The following MRTFA variants were observed in gnomAD, a reference collection of about 807,000 sequenced individuals.
The protein encoded by MRTFA is myocardin related transcription factor A, also known as myocardin-related transcription factor A.
In MRTFA, 20 loss-of-function variants were observed where a neutral mutation model predicts 83.5. That is an observed-to-expected ratio of 0.24 (90% CI 0.17 to 0.35). MRTFA has a LOEUF of 0.35. MRTFA is among the 10% of genes least tolerant of loss of function. The pLI, the probability that MRTFA is intolerant of heterozygous loss-of-function variation, is 1.00. For synonymous variants in MRTFA, 659 were observed against 541.2 expected (o/e 1.22, Z -3.02); for missense variants, 1,200 against 1,224.7 (o/e 0.98, Z 0.30).
intron 3 of MRTFA, among the ~76,000 whole-genome samples, chr22:40,546,820 C>A (rs2055371511): frequency 6.6e-6 from 1 of 152,192 alleles, no homozygotes; most frequent in Admixed American, 6.5e-5. Context: ...GAGTTCTTAC[C>A]TGTAGTGGAA....
At chr22:40,428,037 C>T (rs1040372230) in intron 7 of MRTFA, among the ~76,000 whole-genome samples, 3 of 152,196 alleles carry the variant, frequency 2.0e-5, no homozygotes, top group East Asian at 1.9e-4. Context: ...CTGTGCCATC[C>T]GTCCCTCCCT....
chr22:40,569,483 G>A (rs1219360716), intron 2 of MRTFA: 1 of 154,640 alleles, frequency 6.5e-6, no homozygotes, highest in Non-Finnish European at 1.5e-5. Flanking sequence ...CAGTACTTTG[G>A]GAGGCCAAAG....
intron 3 of MRTFA, among the ~76,000 whole-genome samples, chr22:40,490,197 C>T (rs148825630): frequency 6.6e-6 from 1 of 152,104 alleles, no homozygotes; most frequent in African/African-American, 2.4e-5. Context: ...ATACTATCCC[C>T]CGCCTCTCAA....
At chr22:40,424,639 C>A (rs569750104) in intron 7 of MRTFA, among the ~76,000 whole-genome samples, 1 of 152,230 alleles carries the variant, frequency 6.6e-6, no homozygotes, top group Non-Finnish European at 1.5e-5. Context: ...CAAACGCCTC[C>A]TTTAGCCTCT....
At chr22:40,460,105 A>C (rs1602279863) in intron 4 of MRTFA, among the ~76,000 whole-genome samples, 1 of 151,674 alleles carries the variant, frequency 6.6e-6, no homozygotes, top group African/African-American at 2.4e-5. Context: ...TTGTATTTTT[A>C]GTAGAGACGG....
At chr22:40,463,334 T>C in intron 3 of MRTFA, 48 bp from the exon 4 acceptor site, 1 of 1,510,368 alleles carries the variant, frequency 6.6e-7, no homozygotes, top group Non-Finnish European at 9.2e-7. Flanking sequence ...AGTTGGGTAT[T>C]CCACCTCAAA....
intron 1 of MRTFA, among the ~76,000 whole-genome samples, chr22:40,596,358 G>A (rs908521650): frequency 1.3e-5 from 2 of 152,206 alleles, no homozygotes; most frequent in Non-Finnish European, 2.9e-5. Context: ...TAAATGAATT[G>A]TGGTTTTTAA....
chr22:40,587,544 C>CA, intron 2 of MRTFA: 1 of 286,848 alleles, frequency 3.5e-6, no homozygotes, highest in Non-Finnish European at 6.9e-6. Context: ...CTCTGACCAC[C>CA]AAAAAAAGTT....
At chr22:40,569,712 AATTAATAC>A (rs1307360023) in intron 2 of MRTFA, 5 of 145,324 alleles carry the variant, frequency 3.4e-5, no homozygotes, top group African/African-American at 5.2e-5. Flanking sequence ...AAGACTCCAT[AATTAATAC>A]ATACATACAT....
At chr22:40,580,552 T>C (rs113172421) in intron 2 of MRTFA, among the ~76,000 whole-genome samples, 1 of 152,154 alleles carries the variant, frequency 6.6e-6, no homozygotes, top group African/African-American at 2.4e-5. Flanking sequence ...AAAAATGAAA[T>C]GATAAACCCA....
At chr22:40,614,481 C>A (rs1180670253) in intron 1 of MRTFA, among the ~76,000 whole-genome samples, 3 of 151,804 alleles carry the variant, frequency 2.0e-5, no homozygotes, top group African/African-American at 7.3e-5. Context: ...TTTGGACATT[C>A]ATAAATATTT....
chr22:40,494,169 A>C (rs1174687515), intron 3 of MRTFA, among the ~76,000 whole-genome samples: 1 of 152,228 alleles, frequency 6.6e-6, no homozygotes, highest in Admixed American at 6.5e-5. Flanking sequence ...GGCTTAGAGA[A>C]AAGTGCTTTT....
At chr22:40,596,518 T>C (rs376908856) in intron 1 of MRTFA, among the ~76,000 whole-genome samples, 19 of 151,826 alleles carry the variant, frequency 1.3e-4, no homozygotes, top group African/African-American at 4.6e-4. Flanking sequence ...ATGCAAAAAT[T>C]AGGCTGGGCG....
Position 40,544,956 on chromosome 22 carries a change from T to A in MRTFA, c.241+7150A>T, listed in dbSNP as rs540445845. On this transcript the variant is annotated intron_variant, in intron 3 of 14. Coordinates refer to ENST00000355630, the MANE Select transcript of MRTFA (RefSeq NM_020831.6). ...TAAATAAATAAATAAATAAATAAAA[T>A]AAATATATATATATACACATAAAAT... Among the ~76,000 whole-genome samples, 103 of 149,306 alleles carry A rather than the reference T, an allele frequency of 6.9e-4. 1 individual carries two copies. Among genetic ancestry groups the A allele is most frequent in the Admixed American group, 3.2e-3 (48 of 14,960 alleles).
At chr22:40,537,943 T>TG (rs2055213687) in intron 3 of MRTFA, among the ~76,000 whole-genome samples, 2 of 18,756 alleles carry the variant, frequency 1.1e-4, no homozygotes, top group South Asian at 1.3e-3. Flanking sequence ...GGGAGGGAGG[T>TG]GGGGGGGTCA....
intron 1 of MRTFA, among the ~76,000 whole-genome samples, chr22:40,598,547 T>C (rs2056218761): frequency 6.6e-6 from 1 of 152,212 alleles, no homozygotes; most frequent in South Asian, 2.1e-4. Flanking sequence ...ATCTGATTAC[T>C]AGTACAATGT....
At chr22:40,413,342 A>ATTT (rs113118987) in intron 14 of MRTFA, among the ~76,000 whole-genome samples, 1 of 136,806 alleles carries the variant, frequency 7.3e-6, no homozygotes, top group Non-Finnish European at 1.6e-5. Context: ...TTTTACCACA[A>ATTT]TTTTTTTTTT....
At chr22:40,590,160 G>C (rs1423796730) in intron 2 of MRTFA, among the ~76,000 whole-genome samples, 1 of 151,702 alleles carries the variant, frequency 6.6e-6, no homozygotes, top group African/African-American at 2.4e-5. Flanking sequence ...TTAGTTTGTT[G>C]CTCTAAGAAG....
At chr22:40,613,003 T>C (rs2147416873) in intron 1 of MRTFA, among the ~76,000 whole-genome samples, 1 of 152,342 alleles carries the variant, frequency 6.6e-6, no homozygotes, top group South Asian at 2.1e-4. Context: ...GCAGTCAATA[T>C]TCCACCCTTA....
Sources: allele counts gnomAD v4.1 joint callset (sites outside exome capture counted in the v4.1 genomes callset), GRCh38; gene constraint gnomAD v4.1.1; transcripts MANE v1.5; gene names NCBI Gene and HGNC (gene_info 2026-07-23, HGNC 2026-07-21).